Variants in RADIL observed in about 807,000 individuals in gnomAD.
RADIL encodes the protein ras-associating and dilute domain-containing protein.
RADIL carries 99 observed loss-of-function variants against 97.6 expected under a neutral mutation model. That is an observed-to-expected ratio of 1.01 (90% CI 0.86 to 1.20). RADIL has a LOEUF of 1.20. RADIL is among the 50% of genes most tolerant of loss of function. The pLI, the probability that RADIL is intolerant of heterozygous loss-of-function variation, is 0.00. For synonymous variants in RADIL, 803 were observed against 691.8 expected, an observed-to-expected ratio of 1.16 and a Z score of -2.52; for missense variants, 1,765 against 1,498.9, an observed-to-expected ratio of 1.18 and a Z score of -2.93.
chr7:4,860,698 C>T (rs762210778), intron 2 of RADIL: 2 of 1,614,142 alleles, frequency 1.2e-6, no homozygotes, highest in Non-Finnish European at 1.7e-6. Context: ...AATGCTTGTA[C>T]TTTTGAAAGA....
At position 4,878,696 on chromosome 7, in the gene RADIL, AAC is replaced by A. The variant is rs1784422217; in HGVS notation, c.-64-495_-64-494del. Among the ~76,000 whole-genome samples the A allele has an allele frequency of 6.6e-6, 1 of 152,224 alleles. No homozygotes were observed. Among genetic ancestry groups the A allele is most frequent in the African/African-American group, 2.4e-5 (1 of 41,466 alleles). On this transcript the variant is annotated intron_variant, in intron 1 of 14. Coordinates refer to ENST00000399583, the MANE Select transcript of RADIL (RefSeq NM_018059.5). The surrounding 1 kb of genome is among the most constrained non-coding windows in gnomAD (Gnocchi z 4.1). Reference sequence around the variant, plus strand: ...CCTTCAAGGAAAGCCATTACTGGGAAACACAATGAGGTCGCCTAAGTAAGACA... The same window carrying A: ...CCTTCAAGGAAAGCCATTACTGGGAAACAATGAGGTCGCCTAAGTAAGACA...
rs1336032679 is a variant in RADIL at position 4,854,022 on chromosome 7, C to T, written c.536-17417G>A. 1.3e-5 allele frequency among the ~76,000 whole-genome samples: 2 copies of T among 152,174 alleles called. No individual in the cohort carries two copies. Among genetic ancestry groups the T allele is most frequent in the East Asian group, 1.9e-4 (1 of 5,190 alleles). On this transcript the variant is annotated intron_variant, in intron 2 of 14. Coordinates refer to ENST00000399583, the MANE Select transcript of RADIL (RefSeq NM_018059.5). The surrounding 1 kb of genome is among the most constrained non-coding windows in gnomAD (Gnocchi z 5.1). ...GGGGATGCCGCTGTTGGGACTTCTC[C>T]GAAAGCTCCATAGGTGGGCAGTTTG... is the stretch of plus-strand genomic sequence containing the variant.
At chr7:4,853,667 G>A (rs940059568) in intron 2 of RADIL, among the ~76,000 whole-genome samples, 1 of 151,082 alleles carries the variant, frequency 6.6e-6, no homozygotes, top group African/African-American at 2.4e-5. Flanking sequence ...GCTTGAACCT[G>A]GGAGGCAGAG....
In RADIL at chr7:4,878,131, A is replaced by G; in HGVS notation, c.9T>C (p.Tyr3=). 1 of 1,554,046 alleles carries G rather than the reference A, an allele frequency of 6.4e-7. No homozygotes were observed. The highest frequency in any genetic ancestry group is 8.7e-7 in the Non-Finnish European group (1 of 1,150,266). ...GCGGGGACATGATGAAGTGCGTCCCATAAAACATGGTGGGTGAGGCTTCAT... is the reference window on the plus strand; with the variant it reads ...GCGGGGACATGATGAAGTGCGTCCCGTAAAACATGGTGGGTGAGGCTTCAT... MF[Y]GTHFIMSPPT... Residue 3 remains tyrosine, a synonymous_variant, in exon 2 of 15, where the codon TAT becomes TAC. Transcript: ENST00000399583. This position sits in a 1 kb window ranked among gnomAD's most constrained non-coding sequence, Gnocchi z 4.1.
At position 4,801,998 on chromosome 7, in the gene RADIL, AG is replaced by A; in HGVS notation, c.2500-4del. 6.7e-7 allele frequency: 1 copy of A among 1,496,660 alleles called. No individual in the cohort carries two copies. 92.7% of individuals were successfully genotyped at this position (1,496,660 alleles called of 1,614,324 possible). A position where few individuals can be genotyped will look rare whatever the true frequency, so the allele number is the denominator to read the frequency against. ...TCAAGGACCACGTGGTGCATACCCT[AG>A]GGAGAGGAAGGGTGACAGCTCAGGT... On this transcript the variant is annotated splice_polypyrimidine_tract_variant and splice_region_variant and intron_variant, in intron 11 of 14. Coordinates refer to ENST00000399583, the MANE Select transcript of RADIL (RefSeq NM_018059.5).
rs59310540 is a variant in RADIL at position 4,813,862 on chromosome 7, G to A, written c.2139+1416C>T. Reference sequence around the variant, plus strand: ...TCTGTTTTAGCCCCATCTTGACATCGGTGTCCAGAGGTACCTGGTGCCACC... The same window carrying A: ...TCTGTTTTAGCCCCATCTTGACATCAGTGTCCAGAGGTACCTGGTGCCACC... On this transcript the variant is annotated intron_variant, in intron 9 of 14. Transcript: ENST00000399583. The surrounding 1 kb of genome is among the most constrained non-coding windows in gnomAD (Gnocchi z 5.0). Among the ~76,000 whole-genome samples, 8,963 of 152,150 alleles carry A rather than the reference G, an allele frequency of 0.059. 360 individuals carry two copies. The highest frequency in any genetic ancestry group is 0.18 in the South Asian group (877 of 4,792).
chr7:4,797,956 A>T lies in RADIL; in HGVS notation c.*1422T>A, dbSNP rs1300204131. On this transcript the variant is annotated 3_prime_UTR_variant, in exon 15 of 15. Coordinates refer to ENST00000399583, the MANE Select transcript of RADIL (RefSeq NM_018059.5). ...ACCACTGCACTCCAGCCTGGGTCAC[A>T]GAGCGAGACTCCGTCTCATAAAAAA... 1 of 151,974 alleles carries T rather than the reference A, an allele frequency of 6.6e-6. No homozygotes were observed. The highest frequency in any genetic ancestry group is 1.5e-5 in the Non-Finnish European group (1 of 68,006). The allele number at this position is 151,974 out of a possible 1,614,324, so 9.4% of individuals were successfully genotyped here.
rs770244132 is a variant in RADIL, at chr7:4,814,305, T to A, written c.2139+973A>T. ...GCCTCATTTTACGAATTTTCTACAGTCAATAAAAATGCTTCACTTTTTTTT... is the reference window on the plus strand; with the variant it reads ...GCCTCATTTTACGAATTTTCTACAGACAATAAAAATGCTTCACTTTTTTTT... On this transcript the variant is annotated intron_variant, in intron 9 of 14. Coordinates refer to ENST00000399583, the MANE Select transcript of RADIL (RefSeq NM_018059.5). The surrounding 1 kb of genome is among the most constrained non-coding windows in gnomAD (Gnocchi z 4.5). 3.9e-5 allele frequency among the ~76,000 whole-genome samples: 6 copies of A among 152,180 alleles called. No homozygotes were observed. The highest frequency in any genetic ancestry group is 8.8e-5 in the Non-Finnish European group (6 of 68,030).
At chr7:4,831,841 T>C (rs1006908085) in intron 5 of RADIL, among the ~76,000 whole-genome samples, 1 of 151,876 alleles carries the variant, frequency 6.6e-6, no homozygotes, top group African/African-American at 2.4e-5. Flanking sequence ...TGAGCAGAGA[T>C]TGCACCACTG....
rs1782697946 is a variant in RADIL at position 4,817,089 on chromosome 7, T to G, written c.1728+150A>C. The G allele has an allele frequency of 1.5e-6, 1 of 663,132 alleles. No individual in the cohort carries two copies. The highest frequency in any genetic ancestry group is 1.8e-5 in the African/African-American group (1 of 54,958). 41.1% of individuals were successfully genotyped at this position (663,132 alleles called of 1,614,324 possible). A position where few individuals can be genotyped will look rare whatever the true frequency, so the allele number is the denominator to read the frequency against. On this transcript the variant is annotated intron_variant, in intron 7 of 14. Transcript: ENST00000399583. This position sits in a 1 kb window ranked among gnomAD's most constrained non-coding sequence, Gnocchi z 8.3. ...GGTGCAGCTGGGCCTGTGCAGAACC[T>G]GCAGCCACTGCTCCCTGATGAAGTG...
At chr7:4,838,239 G>A (rs1427887229) in intron 2 of RADIL, among the ~76,000 whole-genome samples, 3 of 151,970 alleles carry the variant, frequency 2.0e-5, no homozygotes, top group Non-Finnish European at 4.4e-5. Flanking sequence ...ACTCCCACAA[G>A]CGTTACCAGC....
intron 10 of RADIL, chr7:4,805,100 T>A (rs1976174): frequency 0.31 from 47,054 of 153,552 alleles, 10,211 homozygotes; most frequent in African/African-American, 0.62. Flanking sequence ...GTCTCAAAAA[T>A]AAAAATAAAA....
chr7:4,815,035 TG>T lies in RADIL; in HGVS notation c.2139+242del, dbSNP rs1473915077. Among the ~76,000 whole-genome samples, 2 of 152,176 alleles carry T rather than the reference TG, an allele frequency of 1.3e-5. No individual in the cohort carries two copies. The highest frequency in any genetic ancestry group is 4.8e-5 in the African/African-American group (2 of 41,426). On this transcript the variant is annotated intron_variant, in intron 9 of 14. Transcript: ENST00000399583. This position sits in a 1 kb window ranked among gnomAD's most constrained non-coding sequence, Gnocchi z 8.0. ...CACGTACAGAGGCTTCTTTGCCATG[TG>T]GGGTAATACGGTCACAGGGTAAGAC...
intron 2 of RADIL, chr7:4,860,681 A>C (rs1452614523): frequency 6.2e-7 from 1 of 1,614,220 alleles, no homozygotes; most frequent in East Asian, 2.2e-5. Flanking sequence ...TGCCAGAAGT[A>C]CAATATAATG....
chr7:4,875,178 C>G (rs181708965), intron 2 of RADIL, among the ~76,000 whole-genome samples: 1 of 118,660 alleles, frequency 8.4e-6, no homozygotes, highest in African/African-American at 4.5e-5. Flanking sequence ...GGCGACAGAG[C>G]GAGACTCCAT....
In RADIL at chr7:4,832,140, C is replaced by T; in HGVS notation, c.1454+1G>A. The T allele has an allele frequency of 1.9e-6, 3 of 1,609,480 alleles. No individual in the cohort carries two copies. Among genetic ancestry groups the T allele is most frequent in the South Asian group, 1.1e-5 (1 of 90,556 alleles). On this transcript the variant is annotated splice_donor_variant, in intron 5 of 14. Coordinates refer to ENST00000399583, the MANE Select transcript of RADIL (RefSeq NM_018059.5). LOFTEE classifies it high-confidence loss of function. ...GGGCACAATAACCGGGTCATACTCA[C>T]AGTTGCGCCTGCTTCTCTGCTAGTT...
intron 2 of RADIL, among the ~76,000 whole-genome samples, chr7:4,855,695 A>C (rs992404684): frequency 7.5e-5 from 11 of 146,284 alleles, no homozygotes; most frequent in African/African-American, 2.2e-4. Flanking sequence ...TACTACTGAG[A>C]TTGGGCATCT....
rs1409331035 is a variant in RADIL at position 4,801,766 on chromosome 7, A to C, written c.2729T>G (p.Leu910Arg). ...GTCGGGGTCCCCAGGCTCAGGGCCA[A>C]GTGGAGTGCTGGGAGGCGTGAGCAA... ...SCLLTPPSTPLGPEPGDPDWP... is the reference protein window; with the variant it reads ...SCLLTPPSTPRGPEPGDPDWP... The change falls in exon 12 of 15, where the codon CTT (leucine) becomes CGT (arginine). Residue 910 changes from leucine (L) to arginine (R), a missense_variant. Coordinates refer to ENST00000399583, the MANE Select transcript of RADIL (RefSeq NM_018059.5). 4 of 1,609,560 alleles carry C rather than the reference A, an allele frequency of 2.5e-6. No homozygotes were observed. Among genetic ancestry groups the C allele is most frequent in the Non-Finnish European group, 3.4e-6 (4 of 1,178,672 alleles).
At chr7:4,855,655 C>A (rs918587828) in intron 2 of RADIL, among the ~76,000 whole-genome samples, 2 of 147,488 alleles carry the variant, frequency 1.4e-5, no homozygotes, top group African/African-American at 5.0e-5. Flanking sequence ...AAAGAAATGC[C>A]TCTCTGGTCT....
Sources: allele counts gnomAD v4.1 joint callset (sites outside exome capture counted in the v4.1 genomes callset), GRCh38; gene constraint gnomAD v4.1.1; non-coding constraint Gnocchi (gnomAD v3.1); transcripts MANE v1.5; gene names NCBI Gene and HGNC (gene_info 2026-07-23, HGNC 2026-07-21).